Variants in HUS1 observed in about 807,000 individuals in gnomAD.
The protein encoded by HUS1 is HUS1 checkpoint clamp component.
HUS1 carries 31 observed loss-of-function variants against 32.6 expected under a neutral mutation model. The observed-to-expected ratio is 0.95, with a 90% CI of 0.72 to 1.28. HUS1 has a LOEUF of 1.28. HUS1 is among the 50% of genes most tolerant of loss of function. HUS1 has a pLI of 0.00. For synonymous variants in HUS1, 123 were observed against 116.6 expected, an observed-to-expected ratio of 1.06 and a Z score of -0.36; for missense variants, 340 against 337.7, an observed-to-expected ratio of 1.01 and a Z score of -0.05.
chr7:47,965,224 TAG>T lies in HUS1; in HGVS notation c.*130_*131del. The T allele has an allele frequency of 1.6e-6, 1 of 608,466 alleles. No individual in the cohort carries two copies. Among genetic ancestry groups the T allele is most frequent in the South Asian group, 2.1e-5 (1 of 46,814 alleles). 37.7% of individuals were successfully genotyped at this position (608,466 alleles called of 1,614,324 possible). ...TTGAATCAACTTTTAGTTAAAATGTTAGAGAGGGACAAATAAGTACAGTGTGT... is the reference window on the plus strand; with the variant it reads ...TTGAATCAACTTTTAGTTAAAATGTTAGAGGGACAAATAAGTACAGTGTGT... On this transcript the variant is annotated 3_prime_UTR_variant, in exon 8 of 8. Coordinates refer to ENST00000258774, the MANE Select transcript of HUS1 (RefSeq NM_004507.4).
In HUS1 at chr7:47,975,650, C is replaced by G. The variant is rs769525580; in HGVS notation, c.503G>C (p.Ser168Thr). The G allele has an allele frequency of 3.1e-5, 50 of 1,605,872 alleles. No individual in the cohort carries two copies. The highest frequency in any genetic ancestry group is 4.2e-5 in the Non-Finnish European group (49 of 1,173,372). ...GATGTTTTTCATTTTTTCCACAACA[C>G]TCTTCATAGTCTTCAAGACTGGTAA... Reference protein sequence around the residue: ...IYLPVLKTMKSVVEKMKNISN... With the variant: ...IYLPVLKTMKTVVEKMKNISN... The change falls in exon 5 of 8, where the codon AGT becomes ACT. Residue 168 changes from serine (S) to threonine (T), a missense_variant. Physicochemically the swap from Ser to Thr is moderately conservative, Grantham distance 58. Coordinates refer to ENST00000258774, the MANE Select transcript of HUS1 (RefSeq NM_004507.4).
rs768514185 is a variant in HUS1, at chr7:47,978,377, C to T, written c.357+40G>A. ...GCTAACTATGTCTATTCCTTCGAGG[C>T]CAAGACTTCTGTGTTAGAAACCCTG... On this transcript the variant is annotated intron_variant, in intron 3 of 7. Coordinates refer to ENST00000258774, the MANE Select transcript of HUS1 (RefSeq NM_004507.4). 21 of 1,568,746 alleles carry T rather than the reference C, an allele frequency of 1.3e-5. No individual in the cohort carries two copies. In the South Asian group the frequency reaches 2.4e-4, roughly 18 times the overall value.
intron 4 of HUS1, 130 bp downstream of exon 4, chr7:47,976,600 C>G: frequency 1.4e-6 from 1 of 689,932 alleles, no homozygotes; most frequent in Non-Finnish European, 2.6e-6. Context: ...TAACAAAAGG[C>G]AAATAATCTA....
At chr7:47,969,344 C>T in intron 5 of HUS1, 26 bp from the exon 6 acceptor site, 1 of 1,336,688 alleles carries the variant, frequency 7.5e-7, no homozygotes, top group Non-Finnish European at 1.1e-6. Flanking sequence ...TTTACATAGT[C>T]TTAGAAAAGG....
chr7:47,972,537 A>C (rs781715167), intron 5 of HUS1, among the ~76,000 whole-genome samples: 5 of 152,258 alleles, frequency 3.3e-5, no homozygotes, highest in Non-Finnish European at 5.9e-5. Flanking sequence ...ATACACAACA[A>C]CACACTTGAT....
intron 6 of HUS1, 42 bp from the exon 7 acceptor site, chr7:47,967,967 G>T (rs750367326): frequency 6.3e-7 from 1 of 1,588,190 alleles, no homozygotes; most frequent in African/African-American, 1.4e-5. Context: ...ATCTTCCCAC[G>T]TAACAGGAAA....
chr7:47,974,974 A>G (rs994406165), intron 5 of HUS1, among the ~76,000 whole-genome samples: 3 of 152,224 alleles, frequency 2.0e-5, no homozygotes, highest in African/African-American at 7.2e-5. Context: ...ACTGTCAGTC[A>G]TATCAGTGAC....
Position 47,963,328 on chromosome 7 carries a change from A to C in HUS1, c.*2028T>G, listed in dbSNP as rs979444338. The C allele has an allele frequency of 2.6e-5, 4 of 152,254 alleles. No homozygotes were observed. Among genetic ancestry groups the C allele is most frequent in the South Asian group, 2.1e-4 (1 of 4,838 alleles). 9.4% of individuals were successfully genotyped at this position (152,254 alleles called of 1,614,324 possible). ...GGTTTCTTTAGCCACATTCTACACA[A>C]AGATAAAATCTTAAGCCATTCATTA... On this transcript the variant is annotated 3_prime_UTR_variant, in exon 8 of 8. Transcript: ENST00000258774.
At chr7:47,971,286 C>A in intron 5 of HUS1, 1 of 263,760 alleles carries the variant, frequency 3.8e-6, no homozygotes, top group Non-Finnish European at 7.7e-6. Flanking sequence ...TGTCCAAATC[C>A]AGAAGGGTCT....
rs755239075 is a variant in HUS1, at chr7:47,976,845, GA to G, written c.358-9del. 1 of 1,553,938 alleles carries G rather than the reference GA, an allele frequency of 6.4e-7. No individual in the cohort carries two copies. The highest frequency in any genetic ancestry group is 1.1e-5 in the South Asian group (1 of 89,158). Reference sequence around the variant, plus strand: ...ACTGCTTGACATAGATAACTGCCAAGAAAAGAATTTAAAAATATTTTTATGT... The same window carrying G: ...ACTGCTTGACATAGATAACTGCCAAGAAAGAATTTAAAAATATTTTTATGT... On this transcript the variant is annotated splice_polypyrimidine_tract_variant and intron_variant, in intron 3 of 7. Transcript: ENST00000258774.
intron 6 of HUS1, 151 bp downstream of exon 6, chr7:47,969,068 C>T (rs539393258): frequency 3.4e-6 from 2 of 582,214 alleles, no homozygotes; most frequent in African/African-American, 1.9e-5. Flanking sequence ...CACAGGGATA[C>T]ATAGTCCAGT....
intron 5 of HUS1, chr7:47,971,338 A>C: frequency 5.5e-6 from 2 of 361,800 alleles, no homozygotes; most frequent in South Asian, 4.1e-5. Flanking sequence ...TGGCTGAGCC[A>C]AACTCCACAC....
At chr7:47,968,613 T>C (rs1788530022) in intron 6 of HUS1, among the ~76,000 whole-genome samples, 1 of 152,208 alleles carries the variant, frequency 6.6e-6, no homozygotes, top group African/African-American at 2.4e-5. Flanking sequence ...GTCCTTTACC[T>C]GCTTTCCTGC....
At chr7:47,971,391 G>C (rs1226097000) in intron 5 of HUS1, 1 of 445,454 alleles carries the variant, frequency 2.2e-6, no homozygotes, top group East Asian at 7.1e-5. Context: ...TATACCATCG[G>C]GCACCCCTCT....
Position 47,976,748 on chromosome 7 carries a change from C to A in HUS1, c.447G>T (p.Pro149=), listed in dbSNP as rs1262521564. Residue 149 remains proline (P), a synonymous_variant, in exon 4 of 8, where the codon CCG becomes CCT. Transcript: ENST00000258774. ...CACCTACATCAGGATCTGGGACCAC[C>A]GGTTCTTGTAAGTCCTTCCACAATT... ...PRKLWKDLQE[P]VVPDPDVSIY... 2 of 1,609,690 alleles carry A rather than the reference C, an allele frequency of 1.2e-6. No individual in the cohort carries two copies. Among genetic ancestry groups the A allele is most frequent in the Admixed American group, 1.7e-5 (1 of 60,000 alleles).
At position 47,978,557 on chromosome 7, in the gene HUS1, A is replaced by C. The variant is rs757900445; in HGVS notation, c.217T>G (p.Ser73Ala). 18 of 1,614,188 alleles carry C rather than the reference A, an allele frequency of 1.1e-5. 1 individual carries two copies. In the South Asian group the frequency reaches 1.9e-4, roughly 17 times the overall value. Residue 73 changes from serine to alanine, a missense_variant, in exon 3 of 8, where the codon TCT becomes GCT. Transcript: ENST00000258774. ...AAATAAATCTCATTGTTTTCTGCAGAGACACCCTCCATTTGAAATTCGTTG... is the reference window on the plus strand; with the variant it reads ...AAATAAATCTCATTGTTTTCTGCAGCGACACCCTCCATTTGAAATTCGTTG... ...FFNEFQMEGVSAENNEIYLEL... is the reference protein window; with the variant it reads ...FFNEFQMEGVAAENNEIYLEL...
rs1238263199 is a variant in HUS1, at chr7:47,964,080, A to G, written c.*1276T>C. On this transcript the variant is annotated 3_prime_UTR_variant, in exon 8 of 8. Transcript: ENST00000258774. ...TTAGGTCTCAGTTTTGTAATGTGAC[A>G]TTAATATAATGTTTATGGATGGGTG... 6.6e-6 allele frequency: 1 copy of G among 152,140 alleles called. No individual in the cohort carries two copies. The highest frequency in any genetic ancestry group is 2.4e-5 in the African/African-American group (1 of 41,432). The allele number at this position is 152,140 out of a possible 1,614,324, so 9.4% of individuals were successfully genotyped here.
At chr7:47,976,888 C>G in intron 3 of HUS1, 51 bp from the exon 4 acceptor site, 2 of 1,252,048 alleles carry the variant, frequency 1.6e-6, no homozygotes, top group Non-Finnish European at 2.3e-6. Flanking sequence ...TATTAAGCAA[C>G]AACAAAACAA....
chr7:47,977,268 G>T (rs1332370011), intron 3 of HUS1, among the ~76,000 whole-genome samples: 2 of 152,156 alleles, frequency 1.3e-5, no homozygotes, highest in East Asian at 1.9e-4. Flanking sequence ...AGGGGACAGG[G>T]TTTCAGGCTG....
Sources: allele counts gnomAD v4.1 joint callset (sites outside exome capture counted in the v4.1 genomes callset), GRCh38; gene constraint gnomAD v4.1.1; transcripts MANE v1.5; gene names NCBI Gene and HGNC (gene_info 2026-07-23, HGNC 2026-07-21).